Variants in CLVS1 observed in about 807,000 individuals in gnomAD.
CLVS1 encodes the protein clavesin-1.
Under a neutral mutation model 33.1 loss-of-function variants are expected in CLVS1, and 10 were observed. The observed-to-expected ratio is 0.30, with a 90% CI of 0.19 to 0.51. The LOEUF (loss-of-function observed/expected upper bound fraction) is 0.51, where lower values mean the gene tolerates loss of function less well. Ranked by LOEUF, CLVS1 falls within the 20% of genes least tolerant of loss-of-function variation. CLVS1 has a pLI of 0.97. For synonymous variants in CLVS1, 163 were observed against 166.1 expected, an observed-to-expected ratio of 0.98 and a Z score of 0.14; for missense variants, 343 against 433.4, an observed-to-expected ratio of 0.79 and a Z score of 1.85.
At chr8:61,364,042 C>A (rs1249396325) in intron 2 of CLVS1, among the ~76,000 whole-genome samples, 3 of 152,204 alleles carry the variant, frequency 2.0e-5, no homozygotes, top group Non-Finnish European at 4.4e-5. Flanking sequence ...CCAAAGGGGA[C>A]TTTTCTGCCC....
the CLVS1 span, among the ~76,000 whole-genome samples, chr8:60,988,744 C>A: frequency 6.6e-6 from 1 of 152,180 alleles, no homozygotes; most frequent in Non-Finnish European, 1.5e-5. Flanking sequence ...TTAACACCAA[C>A]AATACTACTA....
chr8:61,051,847 G>C, the CLVS1 span, among the ~76,000 whole-genome samples: 3 of 152,204 alleles, frequency 2.0e-5, no homozygotes, highest in African/African-American at 4.8e-5. Context: ...CATCCCCACT[G>C]CTGGGCCCTG....
At chr8:61,037,926 A>G in the CLVS1 span, among the ~76,000 whole-genome samples, 2 of 152,176 alleles carry the variant, frequency 1.3e-5, no homozygotes, top group Non-Finnish European at 2.9e-5. Flanking sequence ...CAGGGTGGTC[A>G]GGGAGGGGCT....
In CLVS1 at chr8:61,321,231, T is replaced by A. The variant is rs570175483; in HGVS notation, c.455+20949T>A. ...ATGCTTCAGTAGCTGAGGACCTGCT[T>A]GTGTTGTTTTCCCATGTGAAGGGTG... On this transcript the variant is annotated intron_variant, in intron 2 of 5. Coordinates refer to ENST00000325897, the MANE Select transcript of CLVS1 (RefSeq NM_173519.3). 7.2e-5 allele frequency among the ~76,000 whole-genome samples: 11 copies of A among 152,206 alleles called. No individual in the cohort carries two copies. The East Asian group carries it at 2.1e-3, about 30-fold the overall frequency.
At chr8:61,421,201 C>A (rs990417321) in intron 3 of CLVS1, among the ~76,000 whole-genome samples, 1 of 152,120 alleles carries the variant, frequency 6.6e-6, no homozygotes, top group Non-Finnish European at 1.5e-5. Context: ...TCAGAGTACT[C>A]CAGCTGGATG....
chr8:61,417,628 A>C (rs1187532172), intron 3 of CLVS1, among the ~76,000 whole-genome samples: 1 of 152,238 alleles, frequency 6.6e-6, no homozygotes, highest in Non-Finnish European at 1.5e-5. Context: ...TTACTGGCAT[A>C]AAATATAAAA....
At position 61,360,078 on chromosome 8, in the gene CLVS1, G is replaced by A. The variant is rs559297976; in HGVS notation, c.456-16527G>A. Among the ~76,000 whole-genome samples the A allele has an allele frequency of 1.9e-3, 289 of 152,260 alleles. 1 individual carries two copies. The highest frequency in any genetic ancestry group is 6.5e-3 in the African/African-American group (270 of 41,522). On this transcript the variant is annotated intron_variant, in intron 2 of 5. Coordinates refer to ENST00000325897, the MANE Select transcript of CLVS1 (RefSeq NM_173519.3). ...AGGCCCGCAGGGAGTTTGGGAAAGGGCAGACTTGAGTGGAAGTGGGTAGTA... is the reference window on the plus strand; with the variant it reads ...AGGCCCGCAGGGAGTTTGGGAAAGGACAGACTTGAGTGGAAGTGGGTAGTA...
At chr8:61,195,012 C>T (rs957202754) in intron 2 of CLVS1, among the ~76,000 whole-genome samples, 1 of 151,624 alleles carries the variant, frequency 6.6e-6, no homozygotes, top group Non-Finnish European at 1.5e-5. Context: ...GTATTTTGAA[C>T]AGAATGATAA....
At chr8:61,006,474 C>T in the CLVS1 span, among the ~76,000 whole-genome samples, 3 of 152,134 alleles carry the variant, frequency 2.0e-5, no homozygotes, top group Non-Finnish European at 4.4e-5. Context: ...CGGCCACTCA[C>T]CTGCCTTTAC....
chr8:61,266,779 T>G (rs527712446), intron 2 of CLVS1, among the ~76,000 whole-genome samples: 3 of 152,186 alleles, frequency 2.0e-5, no homozygotes, highest in African/African-American at 7.2e-5. Flanking sequence ...TCCAGATTTG[T>G]TTTTTTATTT....
chr8:61,160,400 A>C (rs1158566812), intron 2 of CLVS1, among the ~76,000 whole-genome samples: 1 of 152,234 alleles, frequency 6.6e-6, no homozygotes, highest in Non-Finnish European at 1.5e-5. Flanking sequence ...CAAAACAAGC[A>C]TCCTCCCGAA....
the CLVS1 span, among the ~76,000 whole-genome samples, chr8:60,994,998 A>G: frequency 6.6e-6 from 1 of 151,718 alleles, no homozygotes; most frequent in Non-Finnish European, 1.5e-5. Context: ...CTTACATCTT[A>G]TACAAAAATC....
At chr8:61,323,821 C>T (rs1275073023) in intron 2 of CLVS1, among the ~76,000 whole-genome samples, 1 of 152,102 alleles carries the variant, frequency 6.6e-6, no homozygotes. Flanking sequence ...ACTCCACTCT[C>T]CAATAGTCCC....
At chr8:61,119,720 T>TA (rs1304716478) in intron 1 of CLVS1, among the ~76,000 whole-genome samples, 1 of 127,586 alleles carries the variant, frequency 7.8e-6, no homozygotes, top group African/African-American at 3.4e-5. Flanking sequence ...TTCTGGCTTG[T>TA]AGGGTTTCTG....
chr8:61,135,539 G>A lies in CLVS1; in HGVS notation c.-152+3679G>A, dbSNP rs559382234. On this transcript the variant is annotated intron_variant, in intron 2 of 2. Transcript: ENST00000522621. ...AGGTTTGATGAGGGAGTAAGGGAGA[G>A]AAGAGAGAGAGTAGGAATAAGAGCA... Among the ~76,000 whole-genome samples the A allele has an allele frequency of 3.3e-5, 5 of 152,316 alleles. No individual in the cohort carries two copies. The East Asian group carries it at 7.7e-4, about 24-fold the overall frequency.
At chr8:61,243,544 A>C (rs1303232639) in intron 2 of CLVS1, among the ~76,000 whole-genome samples, 1 of 152,218 alleles carries the variant, frequency 6.6e-6, no homozygotes, top group Non-Finnish European at 1.5e-5. Flanking sequence ...GACTGCCCTC[A>C]CAAAAAGCCA....
chr8:61,411,739 C>T (rs1815233554), intron 3 of CLVS1, among the ~76,000 whole-genome samples: 1 of 152,158 alleles, frequency 6.6e-6, no homozygotes, highest in South Asian at 2.1e-4. Flanking sequence ...CTGAGGCCTC[C>T]CATGGTGGGT....
intron 2 of CLVS1, among the ~76,000 whole-genome samples, chr8:61,323,107 T>G (rs1028498930): frequency 6.6e-6 from 1 of 152,176 alleles, no homozygotes; most frequent in South Asian, 2.1e-4. Flanking sequence ...TTCTGTATGT[T>G]GACCAGGTGG....
chr8:61,420,887 CT>C, intron 3 of CLVS1, among the ~76,000 whole-genome samples: 1 of 151,980 alleles, frequency 6.6e-6, no homozygotes, highest in East Asian at 1.9e-4. Context: ...AGGAGAATCA[CT>C]TGAACCCAGG....
Sources: gnomAD v4.1 joint callset for allele counts (sites outside exome capture counted in the v4.1 genomes callset) on GRCh38, gnomAD v4.1.1 for gene constraint, MANE v1.5 for transcripts, NCBI Gene and HGNC (gene_info 2026-07-23, HGNC 2026-07-21) for gene names.